The following TENM2 variants were observed in gnomAD, a reference collection of about 807,000 sequenced individuals.
TENM2 encodes teneurin-2.
In TENM2, 52 loss-of-function variants were observed where a neutral mutation model predicts 245.2. That is an observed-to-expected ratio of 0.21 (90% CI 0.17 to 0.27). TENM2 has a LOEUF of 0.27. TENM2 is among the 10% of genes least tolerant of loss of function. The pLI, the probability that TENM2 is intolerant of heterozygous loss-of-function variation, is 1.00. For missense variants in TENM2, 3,046 were observed against 3,666.8 expected, an observed-to-expected ratio of 0.83 and a Z score of 4.37; for synonymous variants, 1,363 against 1,438.9, an observed-to-expected ratio of 0.95 and a Z score of 1.19.
At chr5:168,166,096 G>A (rs1758278304) in intron 13 of TENM2, among the ~76,000 whole-genome samples, 1 of 152,054 alleles carries the variant, frequency 6.6e-6, no homozygotes, top group Admixed American at 6.5e-5. Flanking sequence ...CACTCTTTTT[G>A]TTTGGTTGGG....
At chr5:167,595,162 C>T (rs547933659) in intron 2 of TENM2, among the ~76,000 whole-genome samples, 1 of 152,248 alleles carries the variant, frequency 6.6e-6, no homozygotes, top group East Asian at 1.9e-4. Flanking sequence ...TCTCTCAAGA[C>T]AGCCTCTCAC....
chr5:167,961,601 T>C (rs1781017430), intron 4 of TENM2, among the ~76,000 whole-genome samples: 1 of 152,144 alleles, frequency 6.6e-6, no homozygotes, highest in African/African-American at 2.4e-5. Context: ...TATCAATCAG[T>C]TGTTATTGTT....
At chr5:167,692,072 G>GCC (rs1486371211) in intron 2 of TENM2, among the ~76,000 whole-genome samples, 1 of 151,782 alleles carries the variant, frequency 6.6e-6, no homozygotes, top group African/African-American at 2.4e-5. Flanking sequence ...CTTTCTTCCT[G>GCC]CCCTCTTTGC....
intron 2 of TENM2, among the ~76,000 whole-genome samples, chr5:167,745,905 G>T (rs1761525844): frequency 6.6e-6 from 1 of 152,154 alleles, no homozygotes; most frequent in African/African-American, 2.4e-5. Context: ...CATTTGGATT[G>T]TTTCCAATTT....
At chr5:168,192,081 T>G (rs1761011556) in intron 14 of TENM2, among the ~76,000 whole-genome samples, 1 of 152,226 alleles carries the variant, frequency 6.6e-6, no homozygotes, top group Non-Finnish European at 1.5e-5. Context: ...AGCGATATCA[T>G]GTTGGGCTCG....
At chr5:167,497,456 G>A (rs987026567) in intron 2 of TENM2, among the ~76,000 whole-genome samples, 1 of 151,996 alleles carries the variant, frequency 6.6e-6, no homozygotes, top group Middle Eastern at 3.2e-3. Context: ...TACCTTTGAT[G>A]ACTCGACATT....
chr5:168,012,203 T>C (rs1296896619), intron 5 of TENM2, among the ~76,000 whole-genome samples: 1 of 152,188 alleles, frequency 6.6e-6, no homozygotes, highest in Non-Finnish European at 1.5e-5. Flanking sequence ...CAAAGACTGG[T>C]CAGCTCCCCA....
chr5:167,018,818 G>A, the TENM2 span, among the ~76,000 whole-genome samples: 67 of 152,262 alleles, frequency 4.4e-4, no homozygotes, highest in African/African-American at 1.4e-3. Context: ...GCAATCAAGC[G>A]GATCTATCCT....
At chr5:167,280,908 C>T (rs142556769), upstream of TENM2, among the ~76,000 whole-genome samples, 65 of 151,908 alleles carry the variant, frequency 4.3e-4, 1 homozygote, top group East Asian at 9.8e-3. Context: ...CATTGTTCTG[C>T]TCTTCTTTCT....
chr5:167,575,739 A>G (rs1774620656), intron 2 of TENM2, among the ~76,000 whole-genome samples: 1 of 152,232 alleles, frequency 6.6e-6, no homozygotes, highest in Non-Finnish European at 1.5e-5. Flanking sequence ...TGCAGACAAG[A>G]GAAAAAGACA....
At chr5:167,487,513 G>A (rs1217971001) in intron 2 of TENM2, among the ~76,000 whole-genome samples, 4 of 152,086 alleles carry the variant, frequency 2.6e-5, no homozygotes, top group African/African-American at 4.8e-5. Flanking sequence ...CACATGCTAC[G>A]TGTGTGTTTA....
the TENM2 span, among the ~76,000 whole-genome samples, chr5:167,094,864 G>A: frequency 2.4e-4 from 36 of 152,072 alleles, no homozygotes; most frequent in Admixed American, 2.2e-3. Flanking sequence ...AATTTACTGG[G>A]GAAGGTATTT....
intron 2 of TENM2, among the ~76,000 whole-genome samples, chr5:167,801,109 A>ATAT (rs1554120916): frequency 3.0e-4 from 20 of 66,556 alleles, no homozygotes; most frequent in Non-Finnish European, 4.5e-4. Flanking sequence ...AAAAAAAAAA[A>ATAT]ATATATATAT....
the TENM2 span, among the ~76,000 whole-genome samples, chr5:167,274,697 A>G: frequency 6.6e-6 from 1 of 151,318 alleles, no homozygotes; most frequent in Non-Finnish European, 1.5e-5. Flanking sequence ...AAAAGTAGCT[A>G]TTATAATAGG....
chr5:167,361,316 C>G (rs970792326), intron 1 of TENM2, among the ~76,000 whole-genome samples: 1 of 151,892 alleles, frequency 6.6e-6, no homozygotes, highest in African/African-American at 2.4e-5. Flanking sequence ...CTCTTTTTTT[C>G]CTAATTGCAT....
chr5:167,096,541 A>G, the TENM2 span, among the ~76,000 whole-genome samples: 23 of 152,156 alleles, frequency 1.5e-4, no homozygotes, highest in African/African-American at 3.4e-4. Context: ...TGAGATTTCA[A>G]TCTCTCCTCT....
intron 2 of TENM2, among the ~76,000 whole-genome samples, chr5:167,691,423 A>C (rs1757423224): frequency 6.6e-6 from 1 of 152,190 alleles, no homozygotes; most frequent in Admixed American, 6.5e-5. Context: ...AAGTAGACAG[A>C]GCTCGATAGT....
At chr5:167,822,148 T>C (rs767192288) in intron 2 of TENM2, among the ~76,000 whole-genome samples, 10 of 151,974 alleles carry the variant, frequency 6.6e-5, no homozygotes, top group Non-Finnish European at 1.5e-4. Flanking sequence ...AGCATGCCCA[T>C]CTGTGAAATG....
intron 13 of TENM2, among the ~76,000 whole-genome samples, chr5:168,168,631 G>A (rs1350872769): frequency 6.7e-6 from 1 of 149,626 alleles, no homozygotes; most frequent in African/African-American, 2.5e-5. Flanking sequence ...GCAGTAAGCC[G>A]TGATTGTGCT....
Sources: gnomAD v4.1 joint callset for allele counts (sites outside exome capture counted in the v4.1 genomes callset) on GRCh38, gnomAD v4.1.1 for gene constraint, MANE v1.5 for transcripts, NCBI Gene and HGNC (gene_info 2026-07-23, HGNC 2026-07-21) for gene names.